Variants in SH3D21 observed in about 807,000 individuals in gnomAD.
The protein encoded by SH3D21 is SH3 domain-containing protein 21.
Under a neutral mutation model 82.1 loss-of-function variants are expected in SH3D21, and 83 were observed. The observed-to-expected ratio is 1.01, with a 90% CI of 0.85 to 1.21. The LOEUF is 1.21. SH3D21 is among the 50% of genes most tolerant of loss of function. The pLI, the probability that SH3D21 is intolerant of heterozygous loss-of-function variation, is 0.00. For missense variants in SH3D21, 980 were observed against 962.1 expected, an observed-to-expected ratio of 1.02 and a Z score of -0.25; for synonymous variants, 383 against 387.8, an observed-to-expected ratio of 0.99 and a Z score of 0.15.
intron 10 of SH3D21, among the ~76,000 whole-genome samples, chr1:36,312,307 G>A (rs1401496244): frequency 6.6e-6 from 1 of 152,214 alleles, no homozygotes; most frequent in African/African-American, 2.4e-5. Context: ...ACAGGCGTGA[G>A]CCACCGCACA....
intron 10 of SH3D21, among the ~76,000 whole-genome samples, chr1:36,312,683 C>T (rs893236434): frequency 3.9e-5 from 6 of 152,076 alleles, no homozygotes; most frequent in Non-Finnish European, 8.8e-5. Context: ...TGTCATGTTC[C>T]TGATTTTGAA....
downstream of SH3D21, chr1:36,328,870 G>C (rs1053924519): frequency 1.6e-4 from 25 of 152,406 alleles, no homozygotes; most frequent in African/African-American, 5.8e-4. Flanking sequence ...TGCACACTCC[G>C]CCCTTCAGTC....
downstream of SH3D21, chr1:36,328,168 G>T (rs1403567231): frequency 2.2e-6 from 1 of 456,148 alleles, no homozygotes; most frequent in Admixed American, 2.3e-5. Context: ...AACACAGGAA[G>T]GACAGGCCTT....
Position 36,307,618 on chromosome 1 carries a change from G to A in SH3D21, c.436+11G>A. 6.4e-7 allele frequency: 1 copy of A among 1,551,208 alleles called. No homozygotes were observed. The highest frequency in any genetic ancestry group is 2.4e-5 in the East Asian group (1 of 40,920). ...ACAGTGGGCCCCCAAGTGAGACCTC[G>A]ACTCTGTGACCCTGTGACTCGCAAT... On this transcript the variant is annotated intron_variant, in intron 5 of 15. Coordinates refer to ENST00000453908, the MANE Select transcript of SH3D21 (RefSeq NM_001162530.2). The surrounding 1 kb of genome is among the most constrained non-coding windows in gnomAD (Gnocchi z 5.4).
At chr1:36,327,047 T>C (rs1166479878), downstream of SH3D21, among the ~76,000 whole-genome samples, 1 of 151,900 alleles carries the variant, frequency 6.6e-6, no homozygotes, top group Non-Finnish European at 1.5e-5. Flanking sequence ...ACATCTGGGG[T>C]AAGGGGGCAG....
Position 36,319,108 on chromosome 1 carries a change from A to C in SH3D21, c.807A>C (p.Thr269=), listed in dbSNP as rs1646396622. 1 of 1,551,234 alleles carries C rather than the reference A, an allele frequency of 6.4e-7. No individual in the cohort carries two copies. Among genetic ancestry groups the C allele is most frequent in the Non-Finnish European group, 8.7e-7 (1 of 1,146,858 alleles). ...IKEPKKLMPK[T]SLPTVKKLAT... ...AACCAAAAAAGTTGATGCCCAAAACATCCCTCCCCACAGTCAAGAAGCTAG... is the reference window on the plus strand; with the variant it reads ...AACCAAAAAAGTTGATGCCCAAAACCTCCCTCCCCACAGTCAAGAAGCTAG... Residue 269 remains threonine, a synonymous_variant, in exon 11 of 16, where the codon ACA becomes ACC. Coordinates refer to ENST00000453908, the MANE Select transcript of SH3D21 (RefSeq NM_001162530.2).
intron 10 of SH3D21, among the ~76,000 whole-genome samples, chr1:36,317,081 A>T (rs1312914337): frequency 2.0e-5 from 3 of 152,166 alleles, no homozygotes; most frequent in African/African-American, 7.2e-5. Flanking sequence ...CACCCTACAG[A>T]GCACCTAATC....
intron 10 of SH3D21, among the ~76,000 whole-genome samples, chr1:36,317,492 G>A (rs1249043655): frequency 6.6e-6 from 1 of 152,210 alleles, no homozygotes; most frequent in African/African-American, 2.4e-5. Context: ...TTCAAGTGAT[G>A]CTGATGTCAC....
Position 36,319,986 on chromosome 1 carries a change from G to A in SH3D21, c.1323G>A (p.Val441=). 2 of 1,614,060 alleles carry A rather than the reference G, an allele frequency of 1.2e-6. No homozygotes were observed. Among genetic ancestry groups the A allele is most frequent in the Non-Finnish European group, 1.7e-6 (2 of 1,179,994 alleles). Residue 441 remains valine (V), a synonymous_variant, in exon 14 of 16, where the codon GTG becomes GTA. Transcript: ENST00000453908. ...NSIIPEETLT[V]DKPSTPERVF... ...TCATCCCAGAGGAGACCCTGACTGTGGACAAACCCTCCACTCCAGAGAGGG... is the reference window on the plus strand; with the variant it reads ...TCATCCCAGAGGAGACCCTGACTGTAGACAAACCCTCCACTCCAGAGAGGG...
downstream of SH3D21, chr1:36,327,655 A>G (rs1646558841): frequency 8.4e-7 from 1 of 1,193,068 alleles, no homozygotes; most frequent in Non-Finnish European, 1.1e-6. Flanking sequence ...ATGAGGGTTG[A>G]GATGATGGTT....
chr1:36,320,871 C>T (rs1366748147), intron 14 of SH3D21, 44 bp from the exon 15 acceptor site: 2 of 1,551,610 alleles, frequency 1.3e-6, no homozygotes, highest in East Asian at 2.4e-5. Context: ...CCCTCACCTC[C>T]AGCCCTCACC....
rs59279425 is a variant in SH3D21, at chr1:36,316,228, TTTTTG to T, written c.770-2822_770-2818del. 1.4e-3 allele frequency among the ~76,000 whole-genome samples: 208 copies of T among 151,586 alleles called. 1 individual carries two copies. Among genetic ancestry groups the T allele is most frequent in the African/African-American group, 4.9e-3 (202 of 41,358 alleles). ...TCTTCCAGCGAGAATTTGCTTTTATTTTTTGTTTTGTTTTGTTTTGTTTTGAGATG... is the reference window on the plus strand; with the variant it reads ...TCTTCCAGCGAGAATTTGCTTTTATTTTTTGTTTTGTTTTGTTTTGAGATG... On this transcript the variant is annotated intron_variant, in intron 10 of 15. Coordinates refer to ENST00000453908, the MANE Select transcript of SH3D21 (RefSeq NM_001162530.2).
chr1:36,307,443 A>G lies in SH3D21; in HGVS notation c.346-74A>G. 6.6e-7 allele frequency: 1 copy of G among 1,525,196 alleles called. No homozygotes were observed. The highest frequency in any genetic ancestry group is 8.9e-7 in the Non-Finnish European group (1 of 1,126,940). The allele number at this position is 1,525,196 out of a possible 1,614,324, so 94.5% of individuals were successfully genotyped here. The stretch of plus-strand genomic sequence containing the variant: ...GAGGGAGGAAGGGGCGCTTGGGCAG[A>G]ACCAAGGGTGGCAGATTATCCTAGG... On this transcript the variant is annotated intron_variant, in intron 4 of 15. Transcript: ENST00000453908. This position sits in a 1 kb window ranked among gnomAD's most constrained non-coding sequence, Gnocchi z 5.4.
chr1:36,317,752 C>T (rs1253804513), intron 10 of SH3D21, among the ~76,000 whole-genome samples: 5 of 152,138 alleles, frequency 3.3e-5, no homozygotes, highest in Admixed American at 6.5e-5. Flanking sequence ...TTAGTAGAGA[C>T]GGGGTTTCAC....
intron 10 of SH3D21, among the ~76,000 whole-genome samples, chr1:36,311,921 C>T (rs951331317): frequency 3.3e-5 from 5 of 151,866 alleles, no homozygotes; most frequent in Admixed American, 2.6e-4. Flanking sequence ...TCTCGAACTC[C>T]TGGGCTCAAG....
chr1:36,324,930 G>C (rs1477824664), downstream of SH3D21: 5 of 152,224 alleles, frequency 3.3e-5, no homozygotes, highest in Non-Finnish European at 7.3e-5. Context: ...CACAGCATCT[G>C]TGGGTTTAAC....
rs955621194 is a variant in SH3D21 at position 36,309,597 on chromosome 1, G to T, written c.769+7G>T. On this transcript the variant is annotated splice_region_variant and intron_variant, in intron 10 of 15. Transcript: ENST00000453908. ...GTGGTATCTCGGGAATCAGGTGAGTGCCCGGGGAGCCTGGGATTGGGGGGT... is the reference window on the plus strand; with the variant it reads ...GTGGTATCTCGGGAATCAGGTGAGTTCCCGGGGAGCCTGGGATTGGGGGGT... 3.5e-5 allele frequency: 54 copies of T among 1,551,520 alleles called. No individual in the cohort carries two copies. In the Admixed American group the frequency reaches 1.0e-3, roughly 30 times the overall value.
intron 10 of SH3D21, among the ~76,000 whole-genome samples, chr1:36,313,570 G>GTA (rs1646281204): frequency 6.6e-6 from 1 of 151,988 alleles, no homozygotes; most frequent in African/African-American, 2.4e-5. Flanking sequence ...GTTGTTCATA[G>GTA]TATACTCTTT....
In SH3D21 at chr1:36,319,282, GAC is replaced by G; in HGVS notation, c.888_889del (p.Asp296GlufsTer85). 1.3e-6 allele frequency: 2 copies of G among 1,551,666 alleles called. No homozygotes were observed. Among genetic ancestry groups the G allele is most frequent in the African/African-American group, 2.7e-5 (2 of 73,124 alleles). On this transcript the variant is annotated frameshift_variant, in exon 12 of 16. Coordinates refer to ENST00000453908, the MANE Select transcript of SH3D21 (RefSeq NM_001162530.2). LOFTEE classifies it high-confidence loss of function. ...CAGGACATCTCGGACACCCAGCAGG[GAC>G]AGTCAGAAGCTCACCTCCCGAGACT... ...KAKTSRTPSRDSQKLTSRDSG... is the reference protein window; with the variant it reads ...KAKTSRTPSRXSQKLTSRDSG...
Sources: allele counts gnomAD v4.1 joint callset (sites outside exome capture counted in the v4.1 genomes callset), GRCh38; gene constraint gnomAD v4.1.1; non-coding constraint Gnocchi (gnomAD v3.1); transcripts MANE v1.5; gene names NCBI Gene and HGNC (gene_info 2026-07-23, HGNC 2026-07-21).